The following PLEKHA5 variants were observed in gnomAD, a reference collection of about 807,000 sequenced individuals.
PLEKHA5 encodes pleckstrin homology domain-containing family A member 5.
A neutral mutation model predicts 181.9 loss-of-function variants in PLEKHA5; 55 were observed. The observed-to-expected ratio is 0.30, with a 90% CI of 0.24 to 0.38. The LOEUF (loss-of-function observed/expected upper bound fraction) is 0.38, where lower values mean the gene tolerates loss of function less well. Among genes scored for constraint, PLEKHA5 ranks in the 10% least tolerant of loss-of-function variants. PLEKHA5 has a pLI of 1.00. For synonymous variants in PLEKHA5, 535 were observed against 529.4 expected (o/e 1.01, Z -0.15); for missense variants, 1,432 against 1,549.5 (o/e 0.92, Z 1.27).
chr12:19,225,124 C>A (rs567720108), intron 3 of PLEKHA5, among the ~76,000 whole-genome samples: 67 of 152,274 alleles, frequency 4.4e-4, no homozygotes, highest in Middle Eastern at 3.4e-3. Flanking sequence ...CCCTTGATTC[C>A]ATACAGTAGG....
At chr12:19,349,715 G>GCAA (rs774964539) in intron 25 of PLEKHA5, among the ~76,000 whole-genome samples, 3 of 144,138 alleles carry the variant, frequency 2.1e-5, no homozygotes, top group African/African-American at 5.2e-5. Flanking sequence ...AACAACAACA[G>GCAA]CAACAACAAC....
intron 3 of PLEKHA5, chr12:19,147,246 A>G (rs1261408794): frequency 6.6e-6 from 1 of 152,222 alleles, no homozygotes; most frequent in Admixed American, 6.5e-5. Flanking sequence ...TGTTCACTTA[A>G]TAATATACGT....
chr12:19,343,654 A>G (rs2094113445), intron 22 of PLEKHA5, among the ~76,000 whole-genome samples: 1 of 152,232 alleles, frequency 6.6e-6, no homozygotes, highest in African/African-American at 2.4e-5. Flanking sequence ...ATGTGACTGT[A>G]CTGAATACTG....
At chr12:19,337,874 A>C (rs937686981) in intron 21 of PLEKHA5, among the ~76,000 whole-genome samples, 4 of 151,678 alleles carry the variant, frequency 2.6e-5, no homozygotes, top group Admixed American at 6.6e-5. Context: ...TCTACTAAAA[A>C]TACAAAATTA....
chr12:19,287,275 A>T (rs1486511210), intron 12 of PLEKHA5, among the ~76,000 whole-genome samples, 198 bp from the exon 13 acceptor site: 1 of 152,188 alleles, frequency 6.6e-6, no homozygotes, highest in Non-Finnish European at 1.5e-5. Flanking sequence ...AAGTGTTGGG[A>T]TTACAGGCGT....
chr12:19,275,185 G>A (rs1428380793), intron 11 of PLEKHA5, among the ~76,000 whole-genome samples: 1 of 152,106 alleles, frequency 6.6e-6, no homozygotes, highest in Non-Finnish European at 1.5e-5. Flanking sequence ...CTTTGCTAAT[G>A]GCAAGGAGTC....
Position 19,260,990 on chromosome 12 carries a change from G to A in PLEKHA5, c.579G>A (p.Val193=). 6.2e-7 allele frequency: 1 copy of A among 1,601,226 alleles called. No homozygotes were observed. The highest frequency in any genetic ancestry group is 1.1e-5 in the South Asian group (1 of 88,536). Reference sequence around the variant, plus strand: ...AATTGTGGAAGAAACGCTGGTTTGTGCTTTCTGACCTTTGCCTCTTTTATT... The same window carrying A: ...AATTGTGGAAGAAACGCTGGTTTGTACTTTCTGACCTTTGCCTCTTTTATT... ...GMKLWKKRWF[V]LSDLCLFYYR... Residue 193 remains valine, a synonymous_variant, in exon 7 of 32, where the codon GTG becomes GTA. Coordinates refer to ENST00000429027, the MANE Select transcript of PLEKHA5 (RefSeq NM_001256470.2).
intron 20 of PLEKHA5, among the ~76,000 whole-genome samples, chr12:19,334,588 A>G (rs142428760): frequency 9.9e-5 from 15 of 152,042 alleles, no homozygotes; most frequent in Non-Finnish European, 1.6e-4. Flanking sequence ...AAAGCCATCA[A>G]AGACCCACTA....
intron 3 of PLEKHA5, chr12:19,202,117 A>G: frequency 2.1e-6 from 1 of 471,402 alleles, no homozygotes; most frequent in Non-Finnish European, 2.8e-6. Flanking sequence ...TATTTTCAGT[A>G]GTTTTGCCTG....
At chr12:19,191,447 C>T (rs773635769) in intron 3 of PLEKHA5, among the ~76,000 whole-genome samples, 1 of 152,168 alleles carries the variant, frequency 6.6e-6, no homozygotes, top group South Asian at 2.1e-4. Context: ...CACTACCATG[C>T]GGCCTAATTG....
intron 20 of PLEKHA5, among the ~76,000 whole-genome samples, chr12:19,332,985 C>G (rs2092997060): frequency 6.6e-6 from 1 of 152,154 alleles, no homozygotes; most frequent in Non-Finnish European, 1.5e-5. Context: ...TAACCATATA[C>G]TCTTTGCCTG....
At chr12:19,139,688 A>G (rs2036725392) in intron 3 of PLEKHA5, among the ~76,000 whole-genome samples, 1 of 152,210 alleles carries the variant, frequency 6.6e-6, no homozygotes, top group Non-Finnish European at 1.5e-5. Context: ...AAGAATATCT[A>G]ATGTTTTGAC....
chr12:19,266,863 C>T (rs1040779875), intron 8 of PLEKHA5, among the ~76,000 whole-genome samples: 1 of 151,830 alleles, frequency 6.6e-6, no homozygotes, highest in African/African-American at 2.4e-5. Flanking sequence ...ATATATGTAC[C>T]TTTATTGAAA....
intron 29 of PLEKHA5, among the ~76,000 whole-genome samples, chr12:19,363,399 A>AC (rs1259461265): frequency 2.0e-5 from 3 of 150,934 alleles, no homozygotes; most frequent in East Asian, 2.0e-4. Flanking sequence ...CGATCTCCTG[A>AC]CTCATGATCA....
At chr12:19,337,575 A>G (rs550723069) in intron 21 of PLEKHA5, among the ~76,000 whole-genome samples, 1 of 151,596 alleles carries the variant, frequency 6.6e-6, no homozygotes, top group African/African-American at 2.4e-5. Context: ...AAAAAGAAAT[A>G]ATAATACTTG....
At chr12:19,335,290 C>T (rs1311659412) in intron 20 of PLEKHA5, among the ~76,000 whole-genome samples, 1 of 151,828 alleles carries the variant, frequency 6.6e-6, no homozygotes, top group South Asian at 2.1e-4. Flanking sequence ...GCCTCAGCCT[C>T]CTAAAGTGCT....
chr12:19,275,005 A>G lies in PLEKHA5; in HGVS notation c.1313+22A>G, dbSNP rs556244868. 3.9e-6 allele frequency: 6 copies of G among 1,519,948 alleles called. No individual in the cohort carries two copies. In the South Asian group the frequency reaches 4.6e-5, roughly 12 times the overall value. 94.2% of individuals were successfully genotyped at this position (1,519,948 alleles called of 1,614,324 possible). On this transcript the variant is annotated intron_variant, in intron 11 of 31. Transcript: ENST00000429027. ...GGGGGTAAGTGTCTGTCTTGTCATT[A>G]TGAACCCAGGTTTCTTTGATGCTGT... is the stretch of plus-strand genomic sequence containing the variant.
Position 19,293,490 on chromosome 12 carries a change from G to GA in PLEKHA5, c.2037+1798dup, listed in dbSNP as rs1348550947. On this transcript the variant is annotated intron_variant, in intron 15 of 31. Transcript: ENST00000429027. ...TATGCACTTTGTATATTATGCACTA[G>GA]AAAAATGCATCTTCCTTCAAAATTC... 3.3e-5 allele frequency among the ~76,000 whole-genome samples: 5 copies of GA among 152,190 alleles called. No individual in the cohort carries two copies. The East Asian group carries it at 9.6e-4, about 29-fold the overall frequency.
chr12:19,171,368 T>C (rs1014845475), intron 3 of PLEKHA5, among the ~76,000 whole-genome samples: 1 of 152,202 alleles, frequency 6.6e-6, no homozygotes, highest in South Asian at 2.1e-4. Context: ...GAGACACTCA[T>C]ACCCTGTAAA....
Sources: gnomAD v4.1 joint callset for allele counts (sites outside exome capture counted in the v4.1 genomes callset) on GRCh38, gnomAD v4.1.1 for gene constraint, MANE v1.5 for transcripts, NCBI Gene and HGNC (gene_info 2026-07-23, HGNC 2026-07-21) for gene names.